The following RAD51B variants were observed in gnomAD, a reference collection of about 807,000 sequenced individuals.
The protein encoded by RAD51B is DNA repair protein RAD51 homolog 2.
A neutral mutation model predicts 42.2 loss-of-function variants in RAD51B; 38 were observed. That is an observed-to-expected ratio of 0.90 (90% confidence interval 0.70 to 1.18). The LOEUF (loss-of-function observed/expected upper bound fraction) is 1.18, where lower values mean the gene tolerates loss of function less well. RAD51B is among the 50% of genes most tolerant of loss of function. The probability of loss-of-function intolerance (pLI) is 0.00; values close to 1 mark genes in which losing one functional copy is unlikely to be tolerated. For missense variants in RAD51B, 373 were observed against 400.7 expected (o/e 0.93, Z 0.59); for synonymous variants, 154 against 145.2 (o/e 1.06, Z -0.43).
intron 3 of RAD51B, among the ~76,000 whole-genome samples, chr14:67,828,986 T>A (rs1454248920): frequency 6.6e-6 from 1 of 152,220 alleles, no homozygotes; most frequent in Non-Finnish European, 1.5e-5. Context: ...TGGTTTCATA[T>A]GAATTTTAAA....
intron 9 of RAD51B, among the ~76,000 whole-genome samples, chr14:68,430,806 A>C (rs1449680519): frequency 2.0e-5 from 3 of 152,006 alleles, no homozygotes; most frequent in Non-Finnish European, 4.4e-5. Flanking sequence ...GAGTGGTGAG[A>C]GAGGGCATCC....
At chr14:68,233,846 A>G (rs866302906) in intron 7 of RAD51B, among the ~76,000 whole-genome samples, 4 of 152,228 alleles carry the variant, frequency 2.6e-5, no homozygotes, top group African/African-American at 9.6e-5. Context: ...TATGAATTGT[A>G]GTAGAAAATG....
At chr14:68,180,471 A>G (rs1980850) in intron 7 of RAD51B, among the ~76,000 whole-genome samples, 121,713 of 152,008 alleles carry the variant, frequency 0.8, 49,135 homozygotes, top group East Asian at 0.98. Context: ...ATAATGAAAA[A>G]GTATCATCAT....
rs535805372 is a variant in RAD51B, at chr14:68,357,540, C to A, written c.854-53884C>A. Among the ~76,000 whole-genome samples, 8 of 152,116 alleles carry A rather than the reference C, an allele frequency of 5.3e-5. 1 individual carries two copies. Among genetic ancestry groups the A allele is most frequent in the African/African-American group, 1.9e-4 (8 of 41,478 alleles). ...GATTTTCAACTTACTTTGCCCAGAT[C>A]CATAAGAGGAATCACTATCTATGGC... On this transcript the variant is annotated intron_variant, in intron 8 of 10. Coordinates refer to ENST00000471583, the MANE Select transcript of RAD51B (RefSeq NM_133510.4).
intron 11 of RAD51B, among the ~76,000 whole-genome samples, chr14:68,654,685 G>A (rs978595273): frequency 7.2e-5 from 11 of 152,174 alleles, no homozygotes; most frequent in Admixed American, 3.3e-4. Flanking sequence ...AATCAGGCCT[G>A]ATAGGAAGGC....
At chr14:68,177,209 T>C (rs1004703070) in intron 7 of RAD51B, among the ~76,000 whole-genome samples, 2 of 152,212 alleles carry the variant, frequency 1.3e-5, no homozygotes, top group African/African-American at 4.8e-5. Context: ...TTAGTGATGT[T>C]TTCCTCTAAA....
intron 11 of RAD51B, among the ~76,000 whole-genome samples, chr14:68,671,140 A>G (rs1268284723): frequency 6.6e-6 from 1 of 152,174 alleles, no homozygotes; most frequent in Non-Finnish European, 1.5e-5. Flanking sequence ...TGGACTGTCC[A>G]AGGGGCACCC....
downstream of RAD51B, among the ~76,000 whole-genome samples, chr14:68,478,636 A>G (rs949325187): frequency 1.3e-5 from 2 of 152,214 alleles, no homozygotes; most frequent in African/African-American, 4.8e-5. Flanking sequence ...CTTGTGACCT[A>G]TCTTACCCAG....
At chr14:68,560,308 T>C (rs1889078539) in intron 10 of RAD51B, among the ~76,000 whole-genome samples, 1 of 152,170 alleles carries the variant, frequency 6.6e-6, no homozygotes, top group Non-Finnish European at 1.5e-5. Flanking sequence ...GGATTTTTGT[T>C]TTCATTTTCT....
chr14:68,502,787 G>T lies in RAD51B; in HGVS notation c.1036+34537G>T, dbSNP rs76413420. ...CCTATTCAAGGGCTCCCTTGCATCC[G>T]CTGTCCTCCCTGGGAACCTGGGAGA... is the stretch of plus-strand genomic sequence containing the variant. On this transcript the variant is annotated intron_variant, in intron 10 of 10. Transcript: ENST00000487270. Among the ~76,000 whole-genome samples the T allele has an allele frequency of 4.7e-3, 717 of 152,232 alleles. 4 individuals are homozygous for T. The highest frequency in any genetic ancestry group is 0.031 in the Middle Eastern group (9 of 294).
At chr14:68,025,859 T>G (rs1480245354) in intron 7 of RAD51B, among the ~76,000 whole-genome samples, 1 of 152,114 alleles carries the variant, frequency 6.6e-6, no homozygotes, top group Non-Finnish European at 1.5e-5. Context: ...ATGTCTCAAT[T>G]TCATTCAGTT....
chr14:68,240,598 A>T (rs1005077320), intron 7 of RAD51B, among the ~76,000 whole-genome samples: 6 of 152,184 alleles, frequency 3.9e-5, no homozygotes, highest in Admixed American at 3.9e-4. Context: ...TCTTGTTTTC[A>T]TGTGGCCTGA....
chr14:68,232,245 T>A (rs750162443), intron 7 of RAD51B, among the ~76,000 whole-genome samples: 4 of 151,500 alleles, frequency 2.6e-5, no homozygotes, highest in Admixed American at 6.6e-5. Context: ...AGAAATCAAG[T>A]CCCCAGTAAA....
intron 7 of RAD51B, among the ~76,000 whole-genome samples, chr14:68,232,839 A>G (rs1447123880): frequency 6.6e-6 from 1 of 152,130 alleles, no homozygotes; most frequent in Non-Finnish European, 1.5e-5. Context: ...CAGCTTTCAA[A>G]TCTCTCCAAG....
intron 4 of RAD51B, among the ~76,000 whole-genome samples, chr14:67,863,175 G>A (rs75200171): frequency 2.3e-5 from 1 of 43,304 alleles, no homozygotes; most frequent in South Asian, 7.0e-4. Flanking sequence ...TTTTTTTTTT[G>A]AGACATGGTC....
chr14:67,892,578 A>T (rs1022200175), intron 7 of RAD51B, among the ~76,000 whole-genome samples: 3 of 152,152 alleles, frequency 2.0e-5, no homozygotes, highest in Non-Finnish European at 2.9e-5. Context: ...CTCCTGGGAG[A>T]TGAGTGCTGG....
chr14:68,576,885 T>C (rs1190886147), intron 10 of RAD51B, among the ~76,000 whole-genome samples: 1 of 152,188 alleles, frequency 6.6e-6, no homozygotes, highest in Non-Finnish European at 1.5e-5. Flanking sequence ...GGTGTGCAAG[T>C]ATTTCAAGAT....
At chr14:68,181,421 C>G (rs2079058851) in intron 7 of RAD51B, among the ~76,000 whole-genome samples, 1 of 152,202 alleles carries the variant, frequency 6.6e-6, no homozygotes. Flanking sequence ...GCCTTGGAAG[C>G]CTCAAGGAAC....
chr14:68,444,558 G>T (rs1240935569), intron 9 of RAD51B, among the ~76,000 whole-genome samples: 1 of 152,168 alleles, frequency 6.6e-6, no homozygotes, highest in African/African-American at 2.4e-5. Context: ...TAGAGGGATA[G>T]GGTTTAAGAT....
Sources: gnomAD v4.1 joint callset for allele counts (sites outside exome capture counted in the v4.1 genomes callset) on GRCh38, gnomAD v4.1.1 for gene constraint, MANE v1.5 for transcripts, NCBI Gene and HGNC (gene_info 2026-07-23, HGNC 2026-07-21) for gene names.